GRIK4: variants seen among roughly 807,000 people sequenced by gnomAD.
GRIK4 encodes the protein glutamate receptor ionotropic, kainate 4.
Under a neutral mutation model 104.9 loss-of-function variants are expected in GRIK4, and 40 were observed. The observed-to-expected ratio is 0.38, with a 90% CI of 0.30 to 0.50. The LOEUF (loss-of-function observed/expected upper bound fraction) is 0.50, where lower values mean the gene tolerates loss of function less well. GRIK4 is among the 20% of genes least tolerant of loss of function. The probability of loss-of-function intolerance (pLI) is 0.93; values close to 1 mark genes in which losing one functional copy is unlikely to be tolerated. For synonymous variants in GRIK4, 485 were observed against 524.9 expected (o/e 0.92, Z 1.04); for missense variants, 1,047 against 1,308.1 (o/e 0.80, Z 3.08).
chr11:120,606,215 A>G (rs1006061834), intron 1 of GRIK4, among the ~76,000 whole-genome samples: 2 of 152,166 alleles, frequency 1.3e-5, no homozygotes, highest in South Asian at 2.1e-4. Context: ...CACGTTTTTC[A>G]TGGCATGGGG....
chr11:120,974,932 G>A (rs1013593633), intron 19 of GRIK4, among the ~76,000 whole-genome samples: 1 of 152,082 alleles, frequency 6.6e-6, no homozygotes, highest in Non-Finnish European at 1.5e-5. Context: ...AGAAAATATC[G>A]CTAGCCACTC....
chr11:120,708,128 C>T (rs893700662), intron 3 of GRIK4, among the ~76,000 whole-genome samples: 18 of 152,102 alleles, frequency 1.2e-4, no homozygotes, highest in African/African-American at 4.3e-4. Context: ...AATACCATCT[C>T]CATATGAGCC....
chr11:120,978,163 C>G (rs1362238341), intron 19 of GRIK4, among the ~76,000 whole-genome samples: 1 of 152,166 alleles, frequency 6.6e-6, no homozygotes, highest in Non-Finnish European at 1.5e-5. Context: ...GTACCATGAC[C>G]GTGAGGTTAT....
intron 13 of GRIK4, among the ~76,000 whole-genome samples, chr11:120,931,612 T>G (rs1028449998): frequency 2.0e-5 from 3 of 152,200 alleles, no homozygotes; most frequent in Admixed American, 2.0e-4. Flanking sequence ...GCAAGTTACT[T>G]GACCTCTCTG....
Position 120,905,314 on chromosome 11 carries a change from G to A in GRIK4, c.1297G>A (p.Gly433Arg), listed in dbSNP as rs184366041. The A allele has an allele frequency of 9.3e-6, 15 of 1,613,740 alleles. No individual in the cohort carries two copies. In the Admixed American group the frequency reaches 2.5e-4, roughly 27 times the overall value. The change falls in exon 13 of 21, where the codon GGG becomes AGG. Residue 433 changes from glycine to arginine, a missense_variant. Gly to Arg is a moderately radical substitution (Grantham distance 125). Around this residue, in one of 3 missense-constraint regions of GRIK4, gnomAD observed 440 missense variants for 652.3 expected, o/e 0.67. Coordinates refer to ENST00000527524, the MANE Select transcript of GRIK4 (RefSeq NM_014619.5). The surrounding 1 kb of genome is among the most constrained non-coding windows in gnomAD (Gnocchi z 5.1). ...ILENPYLMLK[G>R]NHQEMEGNDR... ...GGAGAACCCATATTTAATGCTGAAG[G>A]GGAACCACCAGGAGATGGAAGGCAA...
chr11:120,986,388 CTT>C lies in GRIK4; in HGVS notation c.*131_*132del. On this transcript the variant is annotated 3_prime_UTR_variant, in exon 21 of 21. Transcript: ENST00000527524. ...CCTCTCCAGATTTCGGATCCAGTCA[CTT>C]TTCAAAAAGATCAAGGAGCCTGACG... The C allele has an allele frequency of 1.6e-6, 2 of 1,244,038 alleles. No individual in the cohort carries two copies. The highest frequency in any genetic ancestry group is 1.7e-5 in the South Asian group (1 of 58,088). The allele number at this position is 1,244,038 out of a possible 1,614,324, so 77.1% of individuals were successfully genotyped here.
chr11:120,809,018 G>A (rs1014591155), intron 4 of GRIK4, among the ~76,000 whole-genome samples: 2 of 152,124 alleles, frequency 1.3e-5, no homozygotes, highest in African/African-American at 4.8e-5. Context: ...CTTCCTGGAG[G>A]GGGGCTACAG....
At chr11:120,517,689 A>G (rs1160035871) in intron 1 of GRIK4, among the ~76,000 whole-genome samples, 1 of 152,116 alleles carries the variant, frequency 6.6e-6, no homozygotes, top group Non-Finnish European at 1.5e-5. Flanking sequence ...TTTCCGCCCT[A>G]TAAACAAAGG....
At chr11:120,653,009 A>G (rs1327490032) in intron 1 of GRIK4, among the ~76,000 whole-genome samples, 1 of 150,254 alleles carries the variant, frequency 6.7e-6, no homozygotes, top group Non-Finnish European at 1.5e-5. Flanking sequence ...TATGGACATA[A>G]TAGCAGGTGT....
At chr11:120,649,189 C>T (rs890459616) in intron 1 of GRIK4, among the ~76,000 whole-genome samples, 3 of 152,170 alleles carry the variant, frequency 2.0e-5, no homozygotes, top group African/African-American at 7.2e-5. Context: ...CTATCTAGCT[C>T]TGCTGCCCTC....
intron 1 of GRIK4, among the ~76,000 whole-genome samples, chr11:120,528,259 C>A (rs1416627819): frequency 6.6e-6 from 1 of 151,990 alleles, no homozygotes; most frequent in Non-Finnish European, 1.5e-5. Flanking sequence ...CTACAGGTGC[C>A]CGCCACCACG....
chr11:120,839,468 G>A (rs562459938), intron 8 of GRIK4, among the ~76,000 whole-genome samples: 157 of 152,156 alleles, frequency 1.0e-3, no homozygotes, highest in Non-Finnish European at 2.0e-3. Flanking sequence ...TACCTGCCTC[G>A]GGAGATAATG....
intron 13 of GRIK4, among the ~76,000 whole-genome samples, chr11:120,928,367 C>A (rs1591294954): frequency 1.3e-5 from 2 of 152,070 alleles, no homozygotes; most frequent in Admixed American, 6.6e-5. Context: ...TTGAATTTAA[C>A]CCTCACCACA....
chr11:120,728,622 T>G (rs1951072865), intron 3 of GRIK4, among the ~76,000 whole-genome samples: 1 of 152,174 alleles, frequency 6.6e-6, no homozygotes, highest in Admixed American at 6.5e-5. Context: ...TTATTTTTAA[T>G]TTTTGTGGGT....
chr11:120,702,446 G>A (rs1178288902), intron 3 of GRIK4, among the ~76,000 whole-genome samples: 1 of 152,330 alleles, frequency 6.6e-6, no homozygotes, highest in East Asian at 1.9e-4. Flanking sequence ...TCAAGTGACA[G>A]AATTCTACTG....
chr11:120,674,773 CAT>C (rs1410177688), intron 3 of GRIK4, among the ~76,000 whole-genome samples: 20 of 152,340 alleles, frequency 1.3e-4, no homozygotes, highest in African/African-American at 2.4e-4. Context: ...AAAAGGGAAA[CAT>C]ATAGCCCTGG....
intron 3 of GRIK4, among the ~76,000 whole-genome samples, chr11:120,711,835 G>A (rs866486958): frequency 9.8e-5 from 15 of 152,320 alleles, no homozygotes; most frequent in Non-Finnish European, 1.9e-4. Context: ...TAAAGCTGAC[G>A]TGTAGCCCAG....
intron 3 of GRIK4, among the ~76,000 whole-genome samples, chr11:120,688,984 C>G (rs558928083): frequency 2.6e-5 from 4 of 152,104 alleles, no homozygotes; most frequent in African/African-American, 9.7e-5. Context: ...TCCTACCCTT[C>G]AGGACTTCAC....
At chr11:120,876,237 T>TACC (rs1159760105) in intron 11 of GRIK4, among the ~76,000 whole-genome samples, 1 of 104,586 alleles carries the variant, frequency 9.6e-6, no homozygotes, top group African/African-American at 3.7e-5. Flanking sequence ...CCACGATTAC[T>TACC]ACCACCACCA....
Sources: allele counts gnomAD v4.1 joint callset (sites outside exome capture counted in the v4.1 genomes callset), GRCh38; gene constraint gnomAD v4.1.1; regional missense constraint gnomAD v4.1.1; non-coding constraint Gnocchi (gnomAD v3.1); transcripts MANE v1.5; gene names NCBI Gene and HGNC (gene_info 2026-07-23, HGNC 2026-07-21).